Variants in ARHGAP26 observed in about 807,000 individuals in gnomAD.
ARHGAP26 encodes the protein Rho GTPase activating protein 26.
Under a neutral mutation model 104.8 loss-of-function variants are expected in ARHGAP26, and 38 were observed. That is an observed-to-expected ratio of 0.36 (90% CI 0.28 to 0.48). ARHGAP26 has a LOEUF of 0.48. ARHGAP26 is among the 20% of genes least tolerant of loss of function. The pLI, the probability that ARHGAP26 is intolerant of heterozygous loss-of-function variation, is 0.99. For missense variants in ARHGAP26, 704 were observed against 947.9 expected, an observed-to-expected ratio of 0.74 and a Z score of 3.38; for synonymous variants, 341 against 340.0, an observed-to-expected ratio of 1.00 and a Z score of -0.03.
At chr5:142,964,000 G>A (rs541364958) in intron 11 of ARHGAP26, among the ~76,000 whole-genome samples, 1 of 152,150 alleles carries the variant, frequency 6.6e-6, no homozygotes, top group Non-Finnish European at 1.5e-5. Context: ...TGGACATAAG[G>A]ATCAATGGGA....
intron 17 of ARHGAP26, among the ~76,000 whole-genome samples, chr5:143,075,910 G>T (rs1040871120): frequency 6.6e-6 from 1 of 151,934 alleles, no homozygotes; most frequent in Admixed American, 6.6e-5. Context: ...TGTTGCCCAG[G>T]CTAGTTTTGA....
At chr5:143,195,088 A>T (rs1416486748) in intron 20 of ARHGAP26, among the ~76,000 whole-genome samples, 1 of 152,216 alleles carries the variant, frequency 6.6e-6, no homozygotes, top group Non-Finnish European at 1.5e-5. Context: ...GCTTGGAGGG[A>T]AAGAAAGAGA....
At chr5:142,974,479 A>G (rs888959041) in intron 11 of ARHGAP26, among the ~76,000 whole-genome samples, 1 of 152,200 alleles carries the variant, frequency 6.6e-6, no homozygotes, top group African/African-American at 2.4e-5. Context: ...GGAATAGATG[A>G]ATTCATATAC....
intron 11 of ARHGAP26, among the ~76,000 whole-genome samples, chr5:142,951,729 G>T (rs1768416290): frequency 6.6e-6 from 1 of 152,214 alleles, no homozygotes; most frequent in African/African-American, 2.4e-5. Context: ...GGAGTCCCCA[G>T]GCTGCTGTGG....
chr5:142,886,025 A>C (rs978636485), intron 5 of ARHGAP26, among the ~76,000 whole-genome samples: 4 of 152,186 alleles, frequency 2.6e-5, no homozygotes, highest in African/African-American at 7.2e-5. Context: ...AAAATGATGG[A>C]GCCATCGCAG....
In ARHGAP26 at chr5:143,160,740, A is replaced by G. The variant is rs145556721; in HGVS notation, c.1988+13359A>G. Among the ~76,000 whole-genome samples the G allele has an allele frequency of 3.5e-3, 539 of 152,202 alleles. 3 individuals carry two copies. The highest frequency in any genetic ancestry group is 0.013 in the African/African-American group (520 of 41,530). Reference sequence around the variant, plus strand: ...GAGATCCTCCCACCTCGGCATCCCAAAGTGCTGGGATTACAGGTGTGAGTC... The same window carrying G: ...GAGATCCTCCCACCTCGGCATCCCAGAGTGCTGGGATTACAGGTGTGAGTC... On this transcript the variant is annotated intron_variant, in intron 20 of 22. Coordinates refer to ENST00000645722, the MANE Select transcript of ARHGAP26 (RefSeq NM_001135608.3).
At chr5:143,056,265 G>A (rs1785791457) in intron 16 of ARHGAP26, among the ~76,000 whole-genome samples, 179 bp downstream of exon 16, 1 of 151,056 alleles carries the variant, frequency 6.6e-6, no homozygotes, top group African/African-American at 2.4e-5. Context: ...GGATTGCTAA[G>A]GGCCTTTCTA....
At chr5:143,092,608 C>A (rs1328223419) in intron 17 of ARHGAP26, among the ~76,000 whole-genome samples, 1 of 151,472 alleles carries the variant, frequency 6.6e-6, no homozygotes, top group African/African-American at 2.4e-5. Flanking sequence ...ACTTCCTTCA[C>A]GTAGGTGGAC....
intron 12 of ARHGAP26, among the ~76,000 whole-genome samples, chr5:143,029,946 C>A (rs1020253280): frequency 1.3e-5 from 2 of 152,098 alleles, no homozygotes; most frequent in Non-Finnish European, 2.9e-5. Flanking sequence ...ATGAGGATTT[C>A]CCTCCCCAGG....
intron 21 of ARHGAP26, among the ~76,000 whole-genome samples, chr5:143,207,914 C>T (rs1339651734): frequency 1.3e-5 from 2 of 152,216 alleles, no homozygotes; most frequent in African/African-American, 4.8e-5. Flanking sequence ...GGAGAGACGT[C>T]GAACATAGAA....
Position 143,147,268 on chromosome 5 carries a change from A to G in ARHGAP26, c.1875A>G (p.Glu625=). The G allele has an allele frequency of 2.5e-6, 4 of 1,614,112 alleles. No individual in the cohort carries two copies. Among genetic ancestry groups the G allele is most frequent in the Non-Finnish European group, 3.4e-6 (4 of 1,179,968 alleles). The part of the protein sequence containing the change: ...QRNSIINSSL[E]SVSSNPNSIL... Reference sequence around the variant, plus strand: ...ACAGCATCATCAACTCCAGTTTGGAATCTGTCTCATCAAATCCAAACAGCA... The same window carrying G: ...ACAGCATCATCAACTCCAGTTTGGAGTCTGTCTCATCAAATCCAAACAGCA... The change falls in exon 20 of 23, where the codon GAA becomes GAG. Residue 625 remains glutamate (E), a synonymous_variant. Coordinates refer to ENST00000645722, the MANE Select transcript of ARHGAP26 (RefSeq NM_001135608.3).
chr5:142,931,861 G>A (rs1764770552), intron 10 of ARHGAP26, among the ~76,000 whole-genome samples, 186 bp from the exon 11 acceptor site: 1 of 152,220 alleles, frequency 6.6e-6, no homozygotes, highest in African/African-American at 2.4e-5. Flanking sequence ...TGGGCTGACT[G>A]AGAGGAATTT....
intron 11 of ARHGAP26, among the ~76,000 whole-genome samples, chr5:143,012,537 T>TTATATATATATATATATA (rs752338630): frequency 5.7e-5 from 1 of 17,646 alleles, no homozygotes; most frequent in African/African-American, 1.8e-4. Flanking sequence ...AGGGATATAT[T>TTATATATATATATATATA]TATATACATA....
At chr5:143,188,758 CAT>C (rs776390097) in intron 20 of ARHGAP26, among the ~76,000 whole-genome samples, 24 of 152,320 alleles carry the variant, frequency 1.6e-4, no homozygotes, top group Non-Finnish European at 3.2e-4. Context: ...AGTGAATTAA[CAT>C]AAATATACTG....
At chr5:143,131,224 T>C (rs1317866324) in intron 18 of ARHGAP26, among the ~76,000 whole-genome samples, 37 of 152,242 alleles carry the variant, frequency 2.4e-4, no homozygotes, top group Admixed American at 2.4e-3. Flanking sequence ...TTCACGCATC[T>C]GTCTAAAGCC....
At chr5:142,776,910 C>T (rs1303476578) in intron 1 of ARHGAP26, among the ~76,000 whole-genome samples, 1 of 152,208 alleles carries the variant, frequency 6.6e-6, no homozygotes, top group African/African-American at 2.4e-5. Context: ...GATTTCTCCA[C>T]ATCCTCGCCA....
intron 1 of ARHGAP26, among the ~76,000 whole-genome samples, chr5:142,798,269 T>C (rs1364303754): frequency 1.3e-5 from 2 of 152,230 alleles, no homozygotes; most frequent in Non-Finnish European, 2.9e-5. Flanking sequence ...AACAGGACCC[T>C]TTTTCTGCTC....
chr5:142,859,150 G>A (rs1232478691), intron 1 of ARHGAP26, among the ~76,000 whole-genome samples: 1 of 152,200 alleles, frequency 6.6e-6, no homozygotes, highest in Non-Finnish European at 1.5e-5. Context: ...TTTTGAATAG[G>A]TTGTTCTGGG....
rs927261028 is a variant in ARHGAP26, at chr5:143,225,150, A to G, written c.*2704A>G. 1.9e-5 allele frequency: 4 copies of G among 215,350 alleles called. No individual in the cohort carries two copies. The highest frequency in any genetic ancestry group is 9.0e-5 in the African/African-American group (4 of 44,390). 13.3% of individuals were successfully genotyped at this position (215,350 alleles called of 1,614,324 possible). A position where few individuals can be genotyped will look rare whatever the true frequency, so the allele number is the denominator to read the frequency against. On this transcript the variant is annotated 3_prime_UTR_variant, in exon 23 of 23. Coordinates refer to ENST00000645722, the MANE Select transcript of ARHGAP26 (RefSeq NM_001135608.3). ...TTACGCTTCTCAAAGAGAGACCAAC[A>G]TCATGCTTTTAACACATTTGATGAG...
Sources: gnomAD v4.1 joint callset for allele counts (sites outside exome capture counted in the v4.1 genomes callset) on GRCh38, gnomAD v4.1.1 for gene constraint, MANE v1.5 for transcripts, NCBI Gene and HGNC (gene_info 2026-07-23, HGNC 2026-07-21) for gene names.